Variants in RRP12 observed in about 807,000 individuals in gnomAD.
RRP12 encodes the protein RRP12-like protein.
Under a neutral mutation model 157.3 loss-of-function variants are expected in RRP12, and 78 were observed. That is an observed-to-expected ratio of 0.50 (90% confidence interval 0.41 to 0.60). The LOEUF (loss-of-function observed/expected upper bound fraction) is 0.60. Among genes scored for constraint, RRP12 ranks in the 20% least tolerant of loss-of-function variants. RRP12 has a pLI of 0.00. For missense variants in RRP12, 1,521 were observed against 1,679.9 expected (o/e 0.91, Z 1.65); for synonymous variants, 726 against 670.9 (o/e 1.08, Z -1.27).
At chr10:97,394,783 G>A (rs1421222092) in intron 3 of RRP12, among the ~76,000 whole-genome samples, 1 of 152,158 alleles carries the variant, frequency 6.6e-6, no homozygotes, top group African/African-American at 2.4e-5. Flanking sequence ...AATATTTTCG[G>A]CTTTGCATGC....
intron 20 of RRP12, chr10:97,371,682 G>T: frequency 5.0e-6 from 1 of 199,212 alleles, no homozygotes; most frequent in Non-Finnish European, 1.0e-5. Flanking sequence ...CCCAAACCCT[G>T]CAAAGGCACA....
rs558685297 is a variant in RRP12 at position 97,357,696 on chromosome 10, T to A, written c.3792-500A>T. Reference sequence around the variant, plus strand: ...GACTATGGCTGGGCGTGGTGGCTCATGCCTGTAATCCCAGCACTTTGGGAG... The same window carrying A: ...GACTATGGCTGGGCGTGGTGGCTCAAGCCTGTAATCCCAGCACTTTGGGAG... On this transcript the variant is annotated intron_variant, in intron 33 of 33. Transcript: ENST00000370992. Among the ~76,000 whole-genome samples, 8 of 152,138 alleles carry A rather than the reference T, an allele frequency of 5.3e-5. No individual in the cohort carries two copies. The East Asian group carries it at 5.8e-4, about 11-fold the overall frequency.
At chr10:97,400,610 C>A in intron 1 of RRP12, 76 bp from the exon 2 acceptor site, 1 of 1,174,012 alleles carries the variant, frequency 8.5e-7, no homozygotes, top group Non-Finnish European at 1.2e-6. Context: ...GGGAAACAAA[C>A]CAGCCCAGGC....
chr10:97,393,477 T>C, intron 4 of RRP12: 1 of 691,240 alleles, frequency 1.4e-6, no homozygotes, highest in East Asian at 2.7e-5. Flanking sequence ...TTACCAGGGG[T>C]TCAGGACAGC....
chr10:97,399,749 TAAA>T (rs113947828), intron 2 of RRP12, among the ~76,000 whole-genome samples: 3 of 113,784 alleles, frequency 2.6e-5, no homozygotes, highest in Non-Finnish European at 1.9e-5. Flanking sequence ...TTAAATATAC[TAAA>T]AAAAAAAAAA....
intron 33 of RRP12, 126 bp downstream of exon 33, chr10:97,358,408 TAAA>T: frequency 1.7e-6 from 1 of 579,832 alleles, no homozygotes. Flanking sequence ...AGGTGCATGT[TAAA>T]AAAAAAAGCT....
Position 97,371,022 on chromosome 10 carries a change from A to G in RRP12, c.2403T>C (p.Ser801=). The change falls in exon 21 of 34, where the codon AGT becomes AGC. Residue 801 remains serine, a synonymous_variant. Coordinates refer to ENST00000370992, the MANE Select transcript of RRP12 (RefSeq NM_015179.4). ...AYRVLEEVCA[S]PQGPGALFVQ... ...CGAAGAGGGCCCCGGGGCCCTGAGG[A>G]CTGGCACACACCTCCTCCAGCACTC... 1 of 1,613,764 alleles carries G rather than the reference A, an allele frequency of 6.2e-7. No individual in the cohort carries two copies. The highest frequency in any genetic ancestry group is 1.3e-5 in the African/African-American group (1 of 74,980).
At chr10:97,365,272 GTTTT>G (rs34050240) in intron 29 of RRP12, among the ~76,000 whole-genome samples, 2 of 118,466 alleles carry the variant, frequency 1.7e-5, no homozygotes, top group African/African-American at 3.1e-5. Context: ...AGACCTAGGT[GTTTT>G]TTTTTTTTTT....
intron 8 of RRP12, among the ~76,000 whole-genome samples, chr10:97,387,383 G>C (rs1844664630): frequency 1.4e-5 from 2 of 147,214 alleles, no homozygotes; most frequent in South Asian, 4.3e-4. Flanking sequence ...GCCCAAGTTG[G>C]AGTGCAGTGG....
intron 13 of RRP12, among the ~76,000 whole-genome samples, chr10:97,380,180 G>A (rs868138802): frequency 1.3e-5 from 2 of 152,142 alleles, no homozygotes; most frequent in African/African-American, 4.8e-5. Context: ...AAGCCAAACT[G>A]GTCAACCTAA....
intron 3 of RRP12, among the ~76,000 whole-genome samples, chr10:97,395,036 A>C (rs534612182): frequency 3.3e-5 from 5 of 151,946 alleles, no homozygotes; most frequent in African/African-American, 9.7e-5. Flanking sequence ...CCAACTACTC[A>C]GGAGGCTAAG....
Position 97,381,474 on chromosome 10 carries a change from T to C in RRP12, c.1330A>G (p.Lys444Glu). 1 of 1,611,528 alleles carries C rather than the reference T, an allele frequency of 6.2e-7. No individual in the cohort carries two copies. The highest frequency in any genetic ancestry group is 1.1e-5 in the South Asian group (1 of 90,544). Reference sequence around the variant, plus strand: ...GCCATGTGGGGAGCCACGCATTCCTTCAGGATCTCCTGCGAAGAGAGGCCA... The same window carrying C: ...GCCATGTGGGGAGCCACGCATTCCTCCAGGATCTCCTGCGAAGAGAGGCCA... The part of the protein sequence containing the change: ...AATQSLKEIL[K>E]ECVAPHMADI... Residue 444 changes from lysine to glutamate, a missense_variant, in exon 12 of 34, where the codon AAG becomes GAG. Transcript: ENST00000370992.
At chr10:97,362,149 G>A (rs1352180301) in intron 30 of RRP12, among the ~76,000 whole-genome samples, 1 of 147,718 alleles carries the variant, frequency 6.8e-6, no homozygotes, top group East Asian at 2.0e-4. Flanking sequence ...TGCCATGCAA[G>A]AAACCCTCTG....
chr10:97,366,008 A>C, intron 29 of RRP12, 100 bp downstream of exon 29: 148 of 1,476,456 alleles, frequency 1.0e-4, no homozygotes, highest in Non-Finnish European at 1.1e-4. Flanking sequence ...TGCCGAGAGA[A>C]GAGTTTCTCT....
chr10:97,377,634 C>G (rs1844346803), intron 15 of RRP12, among the ~76,000 whole-genome samples: 1 of 151,976 alleles, frequency 6.6e-6, no homozygotes, highest in Non-Finnish European at 1.5e-5. Context: ...CGCCTGAGGT[C>G]AGGAGTTCAA....
intron 30 of RRP12, 124 bp downstream of exon 30, chr10:97,363,730 T>G: frequency 7.9e-6 from 7 of 882,104 alleles, no homozygotes; most frequent in East Asian, 2.4e-5. Flanking sequence ...TGCACACCTG[T>G]GAGGATGCAC....
intron 3 of RRP12, among the ~76,000 whole-genome samples, chr10:97,394,347 A>T (rs569784597): frequency 6.6e-6 from 1 of 152,336 alleles, no homozygotes; most frequent in East Asian, 1.9e-4. Flanking sequence ...CGTCTCAAAA[A>T]AAATAAATAA....
intron 1 of RRP12, 147 bp downstream of exon 1, chr10:97,400,946 C>G (rs1425753588): frequency 1.0e-6 from 1 of 972,946 alleles, no homozygotes; most frequent in Non-Finnish European, 1.5e-6. Flanking sequence ...GAAGGACTGC[C>G]CTTCAGAGAG....
In RRP12 at chr10:97,369,537, C is replaced by A; in HGVS notation, c.2843G>T (p.Cys948Phe). The A allele has an allele frequency of 6.3e-7, 1 of 1,587,284 alleles. No homozygotes were observed. ...STVEQLLENV[C>F]LLLASRTRDV... Reference sequence around the variant, plus strand: ...ACGGGTGCGGGAGGCCAGAAGCAGGCACACATTCTCCAGCAGCTGCTCCAC... The same window carrying A: ...ACGGGTGCGGGAGGCCAGAAGCAGGAACACATTCTCCAGCAGCTGCTCCAC... Residue 948 changes from cysteine (C) to phenylalanine (F), a missense_variant, in exon 25 of 34, where the codon TGC becomes TTC. Coordinates refer to ENST00000370992, the MANE Select transcript of RRP12 (RefSeq NM_015179.4).
Sources: allele counts gnomAD v4.1 joint callset (sites outside exome capture counted in the v4.1 genomes callset), GRCh38; gene constraint gnomAD v4.1.1; transcripts MANE v1.5; gene names NCBI Gene and HGNC (gene_info 2026-07-23, HGNC 2026-07-21).